The following MUC6 variants were observed in gnomAD, a reference collection of about 807,000 sequenced individuals.
MUC6 encodes the protein mucin-6.
A neutral mutation model predicts 201.5 loss-of-function variants in MUC6; 188 were observed. The ratio of observed to expected loss-of-function variants is 0.93; its 90% CI spans 0.83 to 1.05. The LOEUF is 1.05. Among genes scored for constraint, MUC6 ranks in the 50% least tolerant of loss-of-function variants. The pLI, the probability that MUC6 is intolerant of heterozygous loss-of-function variation, is 0.00. For missense variants in MUC6, 2,706 were observed against 3,256.9 expected, an observed-to-expected ratio of 0.83 and a Z score of 4.12; for synonymous variants, 1,228 against 1,389.4, an observed-to-expected ratio of 0.88 and a Z score of 2.58.
chr11:1,029,730 G>T, intron 8 of MUC6, 115 bp from the exon 9 acceptor site: 1 of 1,383,618 alleles, frequency 7.2e-7, no homozygotes, highest in Non-Finnish European at 9.5e-7. Context: ...GCCCCCTCCA[G>T]CCTGGCTCCA....
chr11:1,028,458 A>C, intron 13 of MUC6, 71 bp from the exon 14 acceptor site: 1 of 1,572,428 alleles, frequency 6.4e-7, no homozygotes, highest in East Asian at 2.3e-5. Context: ...CACGCCCTGG[A>C]GCTCCCGTCC....
In MUC6 at chr11:1,018,227, A is replaced by G; in HGVS notation, c.4574T>C (p.Leu1525Pro). The G allele has an allele frequency of 6.2e-7, 1 of 1,605,374 alleles. No homozygotes were observed. Among genetic ancestry groups the G allele is most frequent in the Non-Finnish European group, 8.5e-7 (1 of 1,176,012 alleles). Residue 1525 changes from leucine (L) to proline (P), a missense_variant, in exon 31 of 33, where the codon CTA (leucine) becomes CCA (proline). Physicochemically the swap from Leu to Pro is moderately conservative, Grantham distance 98 (BLOSUM62 -3). This residue lies in a region of MUC6 where 128 missense variants were observed against 206.5 expected (regional missense o/e 0.62). Coordinates refer to ENST00000421673, the MANE Select transcript of MUC6 (RefSeq NM_005961.3). ...SFSTNKTPTS[L>P]HSHTSSTHHP... ...GTGTGTGGAGGAAGTGTGTGAATGTAGCGAGGTAGGTGTTTTGTTTGTGCT... is the reference window on the plus strand; with the variant it reads ...GTGTGTGGAGGAAGTGTGTGAATGTGGCGAGGTAGGTGTTTTGTTTGTGCT...
chr11:1,032,617 C>T (rs892070857), intron 2 of MUC6, among the ~76,000 whole-genome samples: 40 of 143,466 alleles, frequency 2.8e-4, no homozygotes, highest in African/African-American at 8.2e-4. Context: ...GTAAGTCGTG[C>T]GTGTTGTAAG....
Position 1,016,161 on chromosome 11 carries a change from G to T in MUC6, c.6640C>A (p.His2214Asn), listed in dbSNP as rs777065638. The stretch of plus-strand genomic sequence containing the variant: ...AGGGTGAAAGGAGAGGAGATAGTGT[G>T]GGGGAGAGTGGCCCTAATGGTAGTA... ...ASTTIRATLP[H>N]TISSPFTLSA... Residue 2214 changes from histidine to asparagine, a missense_variant, in exon 31 of 33, where the codon CAC (histidine) becomes AAC (asparagine). This residue lies in a region of MUC6 where 586 missense variants were observed against 488.0 expected (regional missense o/e 1.20). Coordinates refer to ENST00000421673, the MANE Select transcript of MUC6 (RefSeq NM_005961.3). The T allele has an allele frequency of 4.3e-6, 7 of 1,613,456 alleles. No homozygotes were observed. The highest frequency in any genetic ancestry group is 3.3e-5 in the South Asian group (3 of 91,048).
intron 8 of MUC6, 143 bp from the exon 9 acceptor site, chr11:1,029,758 C>G: frequency 1.7e-6 from 2 of 1,210,610 alleles, no homozygotes; most frequent in East Asian, 5.4e-5. Context: ...GCCCCTCCAG[C>G]CTGGCTCCAG....
chr11:1,015,875 C>A lies in MUC6; in HGVS notation c.6926G>T (p.Gly2309Val), dbSNP rs1237022350. Residue 2309 changes from glycine (G) to valine (V), a missense_variant, in exon 31 of 33, where the codon GGT (glycine) becomes GTT (valine). By Grantham distance (109) the Gly-to-Val change is moderately radical. This residue lies in a region of MUC6 where 586 missense variants were observed against 488.0 expected (regional missense o/e 1.20). Transcript: ENST00000421673. Reference sequence around the variant, plus strand: ...CCGTGTGGTAGGCGACAAGGTGGGACCAGGGTGCCTGGTGGTAAGGTTGGT... The same window carrying A: ...CCGTGTGGTAGGCGACAAGGTGGGAACAGGGTGCCTGGTGGTAAGGTTGGT... The part of the protein sequence containing the change: ...PVTNLTTRHP[G>V]PTLSPTTRFL... 1.9e-6 allele frequency: 3 copies of A among 1,608,224 alleles called. No homozygotes were observed. The highest frequency in any genetic ancestry group is 1.3e-5 in the African/African-American group (1 of 74,774).
Position 1,023,841 on chromosome 11 carries a change from G to A in MUC6, c.3382+106C>T, listed in dbSNP as rs552062451. 4.2e-5 allele frequency: 62 copies of A among 1,478,376 alleles called. 1 individual carries two copies. The African/African-American group carries it at 4.6e-4, about 11-fold the overall frequency. The allele number at this position is 1,478,376 out of a possible 1,614,324, so 91.6% of individuals were successfully genotyped here. A position where few individuals can be genotyped will look rare whatever the true frequency, so the allele number is the denominator to read the frequency against. The stretch of plus-strand genomic sequence containing the variant: ...GTGGCCCCGCAGGGCACAGCCCGGC[G>A]CCTGTCCAGGGAGAGGGGCCTGTGG... On this transcript the variant is annotated intron_variant, in intron 25 of 32. Transcript: ENST00000421673.
chr11:1,022,235 CGCTT>C (rs1372274861), intron 26 of MUC6, among the ~76,000 whole-genome samples: 1 of 149,474 alleles, frequency 6.7e-6, no homozygotes, highest in African/African-American at 2.5e-5. Context: ...GCCCCTCACT[CGCTT>C]GCTCTGCCCT....
Position 1,027,626 on chromosome 11 carries a change from G to A in MUC6, c.1981+59C>T, listed in dbSNP as rs1331376134. On this transcript the variant is annotated intron_variant, in intron 16 of 32. Transcript: ENST00000421673. ...AGAGCCTCAGAGCTTGGGGTCCCAG[G>A]ACACCCCCTCGTGAGCCCAGCCTGC... is the stretch of plus-strand genomic sequence containing the variant. 28 of 1,579,014 alleles carry A rather than the reference G, an allele frequency of 1.8e-5. No homozygotes were observed. The Middle Eastern group carries it at 5.1e-4, about 29-fold the overall frequency.
At chr11:1,020,805 C>A in intron 27 of MUC6, 71 bp from the exon 28 acceptor site, 1 of 1,565,978 alleles carries the variant, frequency 6.4e-7, no homozygotes, top group South Asian at 1.1e-5. Context: ...CTGGGAGCTC[C>A]GAGGGCCTGA....
rs765984738 is a variant in MUC6 at position 1,016,598 on chromosome 11, G to T, written c.6203C>A (p.Thr2068Asn). Residue 2068 changes from threonine (T) to asparagine (N), a missense_variant, in exon 31 of 33, where the codon ACC (threonine) becomes AAC (asparagine). Around this residue, in one of 10 missense-constraint regions of MUC6, gnomAD observed 586 missense variants for 488.0 expected, o/e 1.20. Coordinates refer to ENST00000421673, the MANE Select transcript of MUC6 (RefSeq NM_005961.3). The part of the protein sequence containing the change: ...THTAPPMTVT[T>N]SGTSQTHSSF... ...GCTGTGGGTTTGGCTGGTCCCACTG[G>T]TGGTCACTGTCATTGGTGGGGCTGT... 3.0e-5 allele frequency: 47 copies of T among 1,583,248 alleles called. 1 individual carries two copies. In the South Asian group the frequency reaches 4.8e-4, roughly 16 times the overall value.
chr11:1,024,993 C>T lies in MUC6; in HGVS notation c.3076G>A (p.Glu1026Lys), dbSNP rs763552223. The T allele has an allele frequency of 1.9e-6, 3 of 1,613,076 alleles. No homozygotes were observed. Among genetic ancestry groups the T allele is most frequent in the Non-Finnish European group, 2.5e-6 (3 of 1,179,884 alleles). ...CTCTCCTTCCACGAGTTCACCAACT[C>T]CAGCTCGCTGGATGCCACGTACCTG... Reference protein sequence around the residue: ...RSRYVASSELELVNSWKESPL... With the variant: ...RSRYVASSELKLVNSWKESPL... Residue 1026 changes from glutamate (E) to lysine (K), a missense_variant, in exon 24 of 33, where the codon GAG becomes AAG. Around this residue, in one of 10 missense-constraint regions of MUC6, gnomAD observed 1,850 missense variants for 1,958.3 expected, o/e 0.94. Transcript: ENST00000421673.
chr11:1,013,323 G>A lies in MUC6; in HGVS notation c.*133C>T. ...CCAACCGGTGCCCCAGGGAGCCACG[G>A]CCCAGGGCACTTGGGGGCCAGGCCT... is the stretch of plus-strand genomic sequence containing the variant. On this transcript the variant is annotated 3_prime_UTR_variant, in exon 33 of 33. Coordinates refer to ENST00000421673, the MANE Select transcript of MUC6 (RefSeq NM_005961.3). The A allele has an allele frequency of 2.0e-6, 2 of 977,836 alleles. No homozygotes were observed. The highest frequency in any genetic ancestry group is 2.7e-5 in the East Asian group (1 of 37,108). The allele number at this position is 977,836 out of a possible 1,614,324, so 60.6% of individuals were successfully genotyped here. A position where few individuals can be genotyped will look rare whatever the true frequency, so the allele number is the denominator to read the frequency against.
Position 1,025,053 on chromosome 11 carries a change from T to TG in MUC6, c.3015dup (p.Asn1006GlnfsTer88). Reference sequence around the variant, plus strand: ...TCGAAGTCGTCCTTCATGTTCCCGTTGAAGTTGCCACACAAGCCGCAGAGG... The same window carrying TG: ...TCGAAGTCGTCCTTCATGTTCCCGTTGGAAGTTGCCACACAAGCCGCAGAGG... On this transcript the variant is annotated frameshift_variant, in exon 24 of 33. Transcript: ENST00000421673. LOFTEE classifies it high-confidence loss of function. The TG allele has an allele frequency of 6.2e-7, 1 of 1,612,864 alleles. No individual in the cohort carries two copies. The highest frequency in any genetic ancestry group is 8.5e-7 in the Non-Finnish European group (1 of 1,179,810).
intron 30 of MUC6, 65 bp downstream of exon 30, chr11:1,019,210 A>G: frequency 6.6e-7 from 1 of 1,511,924 alleles, no homozygotes; most frequent in Non-Finnish European, 9.1e-7. Context: ...GAATCACTGA[A>G]TGTGAGCTGG....
At chr11:1,027,646 G>A (rs750220333) in intron 16 of MUC6, 39 bp downstream of exon 16, 6 of 1,577,798 alleles carry the variant, frequency 3.8e-6, no homozygotes, top group Middle Eastern at 3.3e-4. Flanking sequence ...CGTGAGCCCA[G>A]CCTGCCGTGA....
chr11:1,013,346 C>T lies in MUC6; in HGVS notation c.*110G>A. ...CGGCCCAGGGCACTTGGGGGCCAGGCCTGGTGACCAGGAAAGCAGCTGCTG... is the reference window on the plus strand; with the variant it reads ...CGGCCCAGGGCACTTGGGGGCCAGGTCTGGTGACCAGGAAAGCAGCTGCTG... On this transcript the variant is annotated 3_prime_UTR_variant, in exon 33 of 33. Coordinates refer to ENST00000421673, the MANE Select transcript of MUC6 (RefSeq NM_005961.3). The T allele has an allele frequency of 1.8e-5, 22 of 1,233,384 alleles. No individual in the cohort carries two copies. The highest frequency in any genetic ancestry group is 1.9e-5 in the Non-Finnish European group (17 of 899,860). 76.4% of individuals were successfully genotyped at this position (1,233,384 alleles called of 1,614,324 possible).
rs12807209 is a variant in MUC6 at position 1,018,157 on chromosome 11, G to T, written c.4644C>A (p.Asn1548Lys). ...GGGTTCTGGTGCGTGTACTAGTGGGGTTGGGAGTAATCGTGGTAGTAGAAG... is the reference window on the plus strand; with the variant it reads ...GGGTTCTGGTGCGTGTACTAGTGGGTTTGGGAGTAATCGTGGTAGTAGAAG... ...TPTSTTTITP[N>K]PTSTRTRTPV... is the part of the protein sequence containing the mutation. The change falls in exon 31 of 33, where the codon AAC becomes AAA. Residue 1548 changes from asparagine (N) to lysine (K), a missense_variant. Physicochemically the swap from Asn to Lys is moderately conservative, Grantham distance 94. Transcript: ENST00000421673. The T allele has an allele frequency of 3.5e-6, 5 of 1,447,870 alleles. No individual in the cohort carries two copies. The highest frequency in any genetic ancestry group is 2.5e-5 in the East Asian group (1 of 40,116). 89.7% of individuals were successfully genotyped at this position (1,447,870 alleles called of 1,614,324 possible).
rs370619569 is a variant in MUC6, at chr11:1,026,377, C to T, written c.2496G>A (p.Ser832=). Residue 832 remains serine (S), a synonymous_variant, in exon 20 of 33, where the codon TCG becomes TCA. Coordinates refer to ENST00000421673, the MANE Select transcript of MUC6 (RefSeq NM_005961.3). ...VPPEECPCEF[S]GVSYPGGAEL... Reference sequence around the variant, plus strand: ...CAGCTCCTCCAGGGTAGGAGACCCCCGAGAACTCACATGGGCACTCCTCGG... The same window carrying T: ...CAGCTCCTCCAGGGTAGGAGACCCCTGAGAACTCACATGGGCACTCCTCGG... 63 of 1,606,502 alleles carry T rather than the reference C, an allele frequency of 3.9e-5. 1 individual carries two copies. Among genetic ancestry groups the T allele is most frequent in the East Asian group, 1.6e-4 (7 of 44,804 alleles).
Sources: gnomAD v4.1 joint callset for allele counts (sites outside exome capture counted in the v4.1 genomes callset) on GRCh38, gnomAD v4.1.1 for gene constraint, gnomAD v4.1.1 regional missense constraint, MANE v1.5 for transcripts, NCBI Gene and HGNC (gene_info 2026-07-23, HGNC 2026-07-21) for gene names.